Variants in CDH23 observed in about 807,000 individuals in gnomAD.
The protein encoded by CDH23 is cadherin related 23.
Under a neutral mutation model 317.1 loss-of-function variants are expected in CDH23, and 189 were observed. The ratio of observed to expected loss-of-function variants is 0.60; its 90% confidence interval spans 0.53 to 0.67. The LOEUF is 0.67. CDH23 is among the 30% of genes least tolerant of loss of function. The pLI is 0.00. For missense variants in CDH23, 4,401 were observed against 4,592.4 expected (o/e 0.96, Z 1.20); for synonymous variants, 1,839 against 1,876.8 (o/e 0.98, Z 0.52).
intron 38 of CDH23, among the ~76,000 whole-genome samples, chr10:71,760,002 CAT>C (rs199501498): frequency 0.06 from 3,141 of 52,632 alleles, 799 homozygotes; most frequent in African/African-American, 0.15. Context: ...CACACACATA[CAT>C]ATATATACAC....
intron 4 of CDH23, 107 bp from the exon 5 acceptor site, chr10:71,510,847 C>A: frequency 9.2e-7 from 1 of 1,088,134 alleles, no homozygotes; most frequent in South Asian, 1.3e-5. Flanking sequence ...TGGTTCCAGG[C>A]AAGCTCCTAG....
Position 71,789,134 on chromosome 10 carries a change from A to T in CDH23, c.5923+92A>T. On this transcript the variant is annotated intron_variant, in intron 45 of 69. Coordinates refer to ENST00000224721, the MANE Select transcript of CDH23 (RefSeq NM_022124.6). ...GGACCTCCCTTATGCCTAACGGCAT[A>T]GCTGAACCTAGACCCCAGTGGGTGC... 3 of 697,162 alleles carry T rather than the reference A, an allele frequency of 4.3e-6. No homozygotes were observed. In the Admixed American group the frequency reaches 6.6e-5, roughly 15 times the overall value. The allele number at this position is 697,162 out of a possible 1,614,324, so 43.2% of individuals were successfully genotyped here.
Position 71,648,163 on chromosome 10 carries a change from G to A in CDH23, c.1449+1546G>A, listed in dbSNP as rs998476996. On this transcript the variant is annotated intron_variant, in intron 14 of 69. Coordinates refer to ENST00000224721, the MANE Select transcript of CDH23 (RefSeq NM_022124.6). ...GCGGCAGCTGTTTTCTTCACCTCCC[G>A]CGTCTCTAGCCCATGACTCCTCCAG... 9.9e-5 allele frequency among the ~76,000 whole-genome samples: 15 copies of A among 152,152 alleles called. 1 individual carries two copies. The highest frequency in any genetic ancestry group is 2.9e-4 in the African/African-American group (12 of 41,428).
At chr10:71,810,694 T>C (rs1841889046) in intron 62 of CDH23, 125 bp downstream of exon 62, 2 of 835,416 alleles carry the variant, frequency 2.4e-6, no homozygotes. Context: ...TGTGGGGCCA[T>C]CTCCCAGACT....
At chr10:71,688,883 AGG>A (rs1316960730) in intron 19 of CDH23, among the ~76,000 whole-genome samples, 1 of 127,706 alleles carries the variant, frequency 7.8e-6, no homozygotes, top group African/African-American at 2.9e-5. Context: ...TGATGGAGCC[AGG>A]GGTGGTGGAG....
intron 38 of CDH23, chr10:71,760,958 T>C (rs1589405017): frequency 1.9e-6 from 3 of 1,609,422 alleles, no homozygotes. Context: ...ATTAGGTGGG[T>C]GTCAGGCCCA....
intron 3 of CDH23, among the ~76,000 whole-genome samples, chr10:71,448,773 C>A (rs968886917): frequency 6.6e-6 from 1 of 152,152 alleles, no homozygotes; most frequent in African/African-American, 2.4e-5. Context: ...AGGAGACCAG[C>A]CTGGAGCCCT....
chr10:71,514,221 A>G (rs1002590785), intron 6 of CDH23, among the ~76,000 whole-genome samples: 1 of 152,180 alleles, frequency 6.6e-6, no homozygotes, highest in African/African-American at 2.4e-5. Context: ...AGAATTTCCC[A>G]GGGGACTGGT....
intron 28 of CDH23, chr10:71,713,850 G>A (rs1290774644): frequency 6.5e-6 from 1 of 153,408 alleles, no homozygotes; most frequent in Non-Finnish European, 1.4e-5. Context: ...TGAGGTGGAT[G>A]GCTACAGGCT....
intron 38 of CDH23, among the ~76,000 whole-genome samples, chr10:71,762,320 G>A (rs1840416058): frequency 6.6e-6 from 1 of 152,236 alleles, no homozygotes; most frequent in South Asian, 2.1e-4. Context: ...TCCCAGTAGA[G>A]TATATGCAAA....
At chr10:71,499,361 A>G (rs1157490915) in intron 3 of CDH23, among the ~76,000 whole-genome samples, 1 of 152,160 alleles carries the variant, frequency 6.6e-6, no homozygotes, top group Non-Finnish European at 1.5e-5. Flanking sequence ...CAGGAGTTCA[A>G]GATCAACCTG....
At chr10:71,630,205 AGAGATGG>A (rs771862875) in intron 11 of CDH23, among the ~76,000 whole-genome samples, 7 of 152,068 alleles carry the variant, frequency 4.6e-5, no homozygotes, top group Non-Finnish European at 8.8e-5. Flanking sequence ...AACTTTTTGT[AGAGATGG>A]GGCCTCACTA....
At chr10:71,584,407 A>G (rs1468759442) in intron 9 of CDH23, among the ~76,000 whole-genome samples, 1 of 152,184 alleles carries the variant, frequency 6.6e-6, no homozygotes, top group African/African-American at 2.4e-5. Context: ...CTGGGGCACT[A>G]TGGTAGTGAA....
intron 38 of CDH23, chr10:71,755,270 C>T (rs1368907972): frequency 1.1e-5 from 13 of 1,149,776 alleles, no homozygotes; most frequent in South Asian, 1.1e-4. Flanking sequence ...GTGCCTGCAT[C>T]GTGCCTTTGC....
intron 30 of CDH23, among the ~76,000 whole-genome samples, chr10:71,727,091 T>A (rs761477738): frequency 1.5e-4 from 23 of 152,250 alleles, no homozygotes; most frequent in African/African-American, 5.5e-4. Flanking sequence ...ACGTGCCCGA[T>A]ATTTTTCTAA....
At chr10:71,735,809 G>A (rs180677556) in intron 34 of CDH23, among the ~76,000 whole-genome samples, 6 of 152,342 alleles carry the variant, frequency 3.9e-5, no homozygotes, top group African/African-American at 1.4e-4. Flanking sequence ...CTGGGGGTGA[G>A]TGAGGCTGTG....
intron 11 of CDH23, among the ~76,000 whole-genome samples, chr10:71,631,317 A>G (rs1447305568): frequency 6.6e-6 from 1 of 152,190 alleles, no homozygotes; most frequent in Non-Finnish European, 1.5e-5. Context: ...GATAGAGCAG[A>G]AAGGAGACTG....
intron 6 of CDH23, among the ~76,000 whole-genome samples, chr10:71,552,003 C>A (rs1856622788): frequency 6.6e-6 from 1 of 152,232 alleles, no homozygotes. Flanking sequence ...CTTGGGCTGT[C>A]CCCGCCCAAG....
At chr10:71,767,870 A>T (rs1372345051) in intron 38 of CDH23, among the ~76,000 whole-genome samples, 1 of 152,202 alleles carries the variant, frequency 6.6e-6, no homozygotes, top group Admixed American at 6.5e-5. Context: ...GCACCTTGGG[A>T]AAGCCTCCGT....
Sources: gnomAD v4.1 joint callset for allele counts (sites outside exome capture counted in the v4.1 genomes callset) on GRCh38, gnomAD v4.1.1 for gene constraint, MANE v1.5 for transcripts, NCBI Gene and HGNC (gene_info 2026-07-23, HGNC 2026-07-21) for gene names.